Variants in MGST1 observed in about 807,000 individuals in gnomAD.
MGST1 encodes glutathione S-transferase 12.
Under a neutral mutation model 8.9 loss-of-function variants are expected in MGST1, and 5 were observed. The observed-to-expected ratio is 0.56, with a 90% CI of 0.29 to 1.19. The LOEUF is 1.19. Ranked by LOEUF, MGST1 falls within the 50% of genes most tolerant of loss-of-function variation. The probability of loss-of-function intolerance (pLI) is 0.08; values close to 1 mark genes in which losing one functional copy is unlikely to be tolerated. For missense variants in MGST1, 182 were observed against 187.4 expected (o/e 0.97, Z 0.17); for synonymous variants, 54 against 67.8 (o/e 0.80, Z 1.00).
chr12:16,459,918 A>T (rs1285364227), intron 4 of MGST1, among the ~76,000 whole-genome samples: 1 of 152,152 alleles, frequency 6.6e-6, no homozygotes, highest in Non-Finnish European at 1.5e-5. Context: ...ACATAGAGAT[A>T]TGGAAAAGGC....
chr12:16,356,862 T>A (rs1475699661), intron 2 of MGST1, among the ~76,000 whole-genome samples: 1 of 152,236 alleles, frequency 6.6e-6, no homozygotes, highest in Non-Finnish European at 1.5e-5. Flanking sequence ...TTTATGCTTC[T>A]TGCCTGTTCT....
At chr12:16,532,149 G>T (rs778009773) in intron 4 of MGST1, among the ~76,000 whole-genome samples, 2 of 152,110 alleles carry the variant, frequency 1.3e-5, no homozygotes, top group Non-Finnish European at 2.9e-5. Flanking sequence ...ACTTCTAGCA[G>T]GTGTCGAGTG....
intron 1 of MGST1, among the ~76,000 whole-genome samples, chr12:16,432,484 T>C (rs1940946472): frequency 6.6e-6 from 1 of 152,032 alleles, no homozygotes; most frequent in Non-Finnish European, 1.5e-5. Context: ...TAGTCTACCT[T>C]AGGTGGTTGA....
downstream of MGST1, among the ~76,000 whole-genome samples, chr12:16,591,313 G>A (rs1943489668): frequency 6.6e-6 from 1 of 151,878 alleles, no homozygotes. This position sits in a 1 kb window ranked among gnomAD's most constrained non-coding sequence, Gnocchi z 4.1. Context: ...ACGTGATCAT[G>A]GCTAGCTCCT....
intron 1 of MGST1, among the ~76,000 whole-genome samples, chr12:16,387,409 A>G (rs1430511257): frequency 6.6e-6 from 1 of 152,208 alleles, no homozygotes; most frequent in Admixed American, 6.5e-5. Flanking sequence ...CAAGTCATAG[A>G]AAAGCGAACA....
intron 4 of MGST1, among the ~76,000 whole-genome samples, chr12:16,443,931 G>A (rs1055951935): frequency 6.6e-6 from 1 of 151,922 alleles, no homozygotes; most frequent in African/African-American, 2.4e-5. Flanking sequence ...TTTTAAGATA[G>A]GAGGATCCAA....
downstream of MGST1, among the ~76,000 whole-genome samples, chr12:16,439,852 A>G (rs1346878724): frequency 6.6e-6 from 1 of 151,736 alleles, no homozygotes; most frequent in Admixed American, 6.6e-5. Flanking sequence ...TATTTCATCT[A>G]TCTGGAATAT....
intron 1 of MGST1, among the ~76,000 whole-genome samples, chr12:16,404,375 A>T (rs1450951395): frequency 6.6e-6 from 1 of 152,100 alleles, no homozygotes; most frequent in African/African-American, 2.4e-5. Flanking sequence ...GATTCTTTTT[A>T]AAAATTCAAT....
At position 16,546,330 on chromosome 12, in the gene MGST1, C is replaced by G. The variant is rs879450427; in HGVS notation, n.483-43198C>G. Among the ~76,000 whole-genome samples, 2 of 152,094 alleles carry G rather than the reference C, an allele frequency of 1.3e-5. No individual in the cohort carries two copies. Among genetic ancestry groups the G allele is most frequent in the Non-Finnish European group, 2.9e-5 (2 of 67,994 alleles). ...GCCACTAAATTTGGTATAGTTAATG[C>G]CAACCACTTTGCCCGTAAAGCCAAA... On this transcript the variant is annotated intron_variant and non_coding_transcript_variant, in intron 4 of 4. Transcript: ENST00000538857. The surrounding 1 kb of genome is among the most constrained non-coding windows in gnomAD (Gnocchi z 4.7).
chr12:16,351,545 C>T (rs1311240818), intron 1 of MGST1, among the ~76,000 whole-genome samples: 7 of 152,144 alleles, frequency 4.6e-5, no homozygotes, highest in South Asian at 2.1e-4. Context: ...CATGGTGGCT[C>T]ATGCCTGTAA....
intron 4 of MGST1, among the ~76,000 whole-genome samples, chr12:16,483,542 T>C (rs940701187): frequency 3.3e-5 from 5 of 152,222 alleles, no homozygotes; most frequent in South Asian, 2.1e-4. Flanking sequence ...AAAGTTGACA[T>C]AGATATATTA....
chr12:16,384,634 G>C (rs1940488030), intron 1 of MGST1, among the ~76,000 whole-genome samples: 1 of 152,356 alleles, frequency 6.6e-6, no homozygotes, highest in Non-Finnish European at 1.5e-5. Flanking sequence ...CGCTAAGTTT[G>C]TGGTAATTTG....
rs1446283929 is a variant in MGST1, at chr12:16,357,718, A to G, written c.221+19A>G. Reference sequence around the variant, plus strand: ...TACGCAGGTAAACCAGTGTCTCTTGAAATTACTTACTTTATGAAACAATTT... The same window carrying G: ...TACGCAGGTAAACCAGTGTCTCTTGGAATTACTTACTTTATGAAACAATTT... On this transcript the variant is annotated intron_variant, in intron 3 of 3. Transcript: ENST00000396210. 1.3e-6 allele frequency: 2 copies of G among 1,597,602 alleles called. No homozygotes were observed. Among genetic ancestry groups the G allele is most frequent in the South Asian group, 2.3e-5 (2 of 88,820 alleles).
chr12:16,572,935 G>T (rs890093428), intron 4 of MGST1, among the ~76,000 whole-genome samples: 1 of 151,530 alleles, frequency 6.6e-6, no homozygotes, highest in African/African-American at 2.4e-5. Flanking sequence ...ATATAAAATT[G>T]ATCATCAAAA....
chr12:16,494,646 C>T (rs1941458961), intron 4 of MGST1, among the ~76,000 whole-genome samples: 1 of 152,198 alleles, frequency 6.6e-6, no homozygotes, highest in East Asian at 1.9e-4. Flanking sequence ...ATGGATGGGA[C>T]CTGTATGGCT....
At chr12:16,463,421 G>A (rs4764274) in intron 4 of MGST1, among the ~76,000 whole-genome samples, 21,100 of 141,234 alleles carry the variant, frequency 0.15, 1,900 homozygotes, top group East Asian at 0.45. Flanking sequence ...TTCGCTGTGA[G>A]GTAGTATATG....
At chr12:16,579,360 A>T (rs892543235) in intron 4 of MGST1, among the ~76,000 whole-genome samples, 2 of 152,222 alleles carry the variant, frequency 1.3e-5, no homozygotes, top group African/African-American at 4.8e-5. Flanking sequence ...CTCAGAAAAG[A>T]AGTAAAATCA....
At chr12:16,566,093 C>T (rs537891611) in intron 4 of MGST1, among the ~76,000 whole-genome samples, 3 of 137,966 alleles carry the variant, frequency 2.2e-5, no homozygotes, top group Non-Finnish European at 4.6e-5. Context: ...CATTTGTGAC[C>T]ACCTGGATGA....
intron 4 of MGST1, among the ~76,000 whole-genome samples, chr12:16,534,361 G>A (rs183496298): frequency 1.3e-5 from 2 of 152,200 alleles, no homozygotes; most frequent in Non-Finnish European, 2.9e-5. Context: ...TTTCTATAAT[G>A]GGCATTTTCC....
Sources: allele counts gnomAD v4.1 joint callset (sites outside exome capture counted in the v4.1 genomes callset), GRCh38; gene constraint gnomAD v4.1.1; non-coding constraint Gnocchi (gnomAD v3.1); transcripts MANE v1.5; gene names NCBI Gene and HGNC (gene_info 2026-07-23, HGNC 2026-07-21).